CACNA2D2: variants seen among roughly 807,000 people sequenced by gnomAD.
The protein encoded by CACNA2D2 is calcium voltage-gated channel auxiliary subunit alpha2delta 2.
CACNA2D2 carries 48 observed loss-of-function variants against 166.4 expected under a neutral mutation model. The ratio of observed to expected loss-of-function variants is 0.29; its 90% CI spans 0.23 to 0.37. The LOEUF is 0.37. Among genes scored for constraint, CACNA2D2 ranks in the 10% least tolerant of loss-of-function variants. CACNA2D2 has a pLI of 1.00. For missense variants in CACNA2D2, 1,122 were observed against 1,433.0 expected (o/e 0.78, Z 3.50); for synonymous variants, 561 against 573.7 (o/e 0.98, Z 0.32).
At chr3:50,446,908 G>A (rs1041622660) in intron 2 of CACNA2D2, among the ~76,000 whole-genome samples, 31 of 152,210 alleles carry the variant, frequency 2.0e-4, no homozygotes, top group African/African-American at 6.8e-4. Context: ...AAGGTTGGAA[G>A]TCTAGGACCC....
At position 50,363,033 on chromosome 3, in the gene CACNA2D2, T is replaced by C. The variant is rs1704015588; in HGVS notation, c.*1633A>G. ...AGGGGCAGCCAGGTCGGGTGGGTAA[T>C]GAGAAGGATTAGACCCAGCTGGGGG... On this transcript the variant is annotated 3_prime_UTR_variant, in exon 38 of 38. Transcript: ENST00000424201. 2.5e-6 allele frequency: 1 copy of C among 397,036 alleles called. No homozygotes were observed. The allele number at this position is 397,036 out of a possible 1,614,324, so 24.6% of individuals were successfully genotyped here.
intron 3 of CACNA2D2, among the ~76,000 whole-genome samples, chr3:50,417,772 C>A (rs1339656582): frequency 6.6e-6 from 1 of 152,218 alleles, no homozygotes; most frequent in Non-Finnish European, 1.5e-5. Context: ...GCCCATTATG[C>A]ATTCTCACAT....
At chr3:50,484,512 A>G (rs1166123924) in intron 1 of CACNA2D2, among the ~76,000 whole-genome samples, 5 of 151,980 alleles carry the variant, frequency 3.3e-5, no homozygotes, top group Admixed American at 6.5e-5. Flanking sequence ...ACATGCCCCT[A>G]TAGTCCCTGC....
intron 1 of CACNA2D2, among the ~76,000 whole-genome samples, chr3:50,478,958 C>T (rs1466340540): frequency 6.6e-6 from 1 of 152,150 alleles, no homozygotes; most frequent in Non-Finnish European, 1.5e-5. Context: ...GTCTATAGGT[C>T]CCTGCTTCTA....
At chr3:50,431,876 T>C (rs1026549059) in intron 3 of CACNA2D2, among the ~76,000 whole-genome samples, 1 of 149,618 alleles carries the variant, frequency 6.7e-6, no homozygotes, top group African/African-American at 2.5e-5. Flanking sequence ...TCCCAGCTAC[T>C]TGGGAGGCTA....
Position 50,427,377 on chromosome 3 carries a change from G to A in CACNA2D2, c.405+6936C>T, listed in dbSNP as rs1559937014. On this transcript the variant is annotated intron_variant, in intron 3 of 37. Transcript: ENST00000424201. This position sits in a 1 kb window ranked among gnomAD's most constrained non-coding sequence, Gnocchi z 4.7. ...GACCCCCAGCTGGCTCCTGTGGGCG[G>A]CAACTTGCCAGGAAGCAGCGGCACT... Among the ~76,000 whole-genome samples the A allele has an allele frequency of 6.6e-6, 1 of 152,252 alleles. No homozygotes were observed. Among genetic ancestry groups the A allele is most frequent in the East Asian group, 1.9e-4 (1 of 5,188 alleles).
chr3:50,440,203 G>A (rs573602856), intron 2 of CACNA2D2, among the ~76,000 whole-genome samples: 85 of 152,224 alleles, frequency 5.6e-4, no homozygotes, highest in Non-Finnish European at 1.0e-3. Context: ...GAGACTGGGT[G>A]TGTGACTGGC....
chr3:50,472,243 G>A (rs927134526), intron 2 of CACNA2D2, among the ~76,000 whole-genome samples: 7 of 152,252 alleles, frequency 4.6e-5, no homozygotes, highest in African/African-American at 1.2e-4. Flanking sequence ...ATAACTAGCA[G>A]CATGTAGCTG....
chr3:50,364,544 G>A lies in CACNA2D2; in HGVS notation c.*122C>T, dbSNP rs991873066. 1.1e-5 allele frequency: 13 copies of A among 1,226,986 alleles called. No homozygotes were observed. Among genetic ancestry groups the A allele is most frequent in the Middle Eastern group, 5.7e-4 (2 of 3,496 alleles). The allele number at this position is 1,226,986 out of a possible 1,614,324, so 76.0% of individuals were successfully genotyped here. Reference sequence around the variant, plus strand: ...GCGCAGACCAGACTCTCAGGGCCTGGCCAGCTCAGGTCCTTCAGTGAGGGA... The same window carrying A: ...GCGCAGACCAGACTCTCAGGGCCTGACCAGCTCAGGTCCTTCAGTGAGGGA... On this transcript the variant is annotated 3_prime_UTR_variant, in exon 38 of 38. Transcript: ENST00000424201.
chr3:50,397,547 C>A (rs1466250291), intron 3 of CACNA2D2, among the ~76,000 whole-genome samples: 4 of 152,186 alleles, frequency 2.6e-5, no homozygotes, highest in Non-Finnish European at 5.9e-5. Flanking sequence ...CAAAGCTTGA[C>A]TTTCTTGGAG....
chr3:50,378,828 T>C, intron 13 of CACNA2D2, 87 bp downstream of exon 13: 2 of 1,498,698 alleles, frequency 1.3e-6, no homozygotes, highest in Non-Finnish European at 9.2e-7. Context: ...AACACACAGC[T>C]GGACATATGG....
chr3:50,431,150 T>C (rs957499233), intron 3 of CACNA2D2, among the ~76,000 whole-genome samples: 5 of 152,244 alleles, frequency 3.3e-5, no homozygotes, highest in African/African-American at 1.2e-4. Context: ...AGGAACAATG[T>C]AGTGGGGGGT....
At chr3:50,488,778 C>T (rs367862223) in intron 1 of CACNA2D2, among the ~76,000 whole-genome samples, 12 of 152,156 alleles carry the variant, frequency 7.9e-5, no homozygotes, top group African/African-American at 2.9e-4. Flanking sequence ...CTGCTCACTG[C>T]AAGCTCCGCC....
In CACNA2D2 at chr3:50,365,654, A is replaced by G. The variant is rs1300423210; in HGVS notation, c.2950T>C (p.Tyr984His). The change falls in exon 34 of 38, where the codon TAC becomes CAC. Residue 984 changes from tyrosine to histidine, a missense_variant. Coordinates refer to ENST00000424201, the MANE Select transcript of CACNA2D2 (RefSeq NM_006030.4). This position sits in a 1 kb window ranked among gnomAD's most constrained non-coding sequence, Gnocchi z 4.5. ...LFQQLLYGLI[Y>H]HSWFQADPAE... ...CTACCTGCTTGGAACCAGCTGTGGT[A>G]GATGAGGCCGTAGAGAAGCTGCTGG... The G allele has an allele frequency of 6.3e-7, 1 of 1,582,024 alleles. No homozygotes were observed. The highest frequency in any genetic ancestry group is 2.3e-5 in the East Asian group (1 of 43,782).
chr3:50,363,022 C>T lies in CACNA2D2; in HGVS notation c.*1644G>A, dbSNP rs760307536. 19 of 397,492 alleles carry T rather than the reference C, an allele frequency of 4.8e-5. No homozygotes were observed. The highest frequency in any genetic ancestry group is 8.8e-5 in the Admixed American group (2 of 22,692). The allele number at this position is 397,492 out of a possible 1,614,324, so 24.6% of individuals were successfully genotyped here. A position where few individuals can be genotyped will look rare whatever the true frequency, so the allele number is the denominator to read the frequency against. Reference sequence around the variant, plus strand: ...AGCCCAAGGTGAGGGGCAGCCAGGTCGGGTGGGTAATGAGAAGGATTAGAC... The same window carrying T: ...AGCCCAAGGTGAGGGGCAGCCAGGTTGGGTGGGTAATGAGAAGGATTAGAC... On this transcript the variant is annotated 3_prime_UTR_variant, in exon 38 of 38. Coordinates refer to ENST00000424201, the MANE Select transcript of CACNA2D2 (RefSeq NM_006030.4).
chr3:50,478,534 C>T (rs927049254), intron 1 of CACNA2D2, among the ~76,000 whole-genome samples: 1 of 152,204 alleles, frequency 6.6e-6, no homozygotes, highest in African/African-American at 2.4e-5. Flanking sequence ...TCATTATGTG[C>T]GAGGGCATCC....
At chr3:50,396,212 C>A (rs1045666805) in intron 3 of CACNA2D2, among the ~76,000 whole-genome samples, 1 of 152,068 alleles carries the variant, frequency 6.6e-6, no homozygotes, top group African/African-American at 2.4e-5. Context: ...GGCAGGCCAC[C>A]CACCCTGGCC....
At chr3:50,468,439 GT>G (rs1709923871) in intron 2 of CACNA2D2, among the ~76,000 whole-genome samples, 3 of 143,158 alleles carry the variant, frequency 2.1e-5, no homozygotes, top group Non-Finnish European at 4.6e-5. Flanking sequence ...GTGTGTGTGT[GT>G]GGCTTTAGGA....
intron 1 of CACNA2D2, among the ~76,000 whole-genome samples, chr3:50,502,268 A>T (rs1247155187): frequency 6.6e-6 from 1 of 152,152 alleles, no homozygotes; most frequent in Non-Finnish European, 1.5e-5. Flanking sequence ...GGCTCCTCAG[A>T]CCCGGAGACA....
Sources: gnomAD v4.1 joint callset for allele counts (sites outside exome capture counted in the v4.1 genomes callset) on GRCh38, gnomAD v4.1.1 for gene constraint, Gnocchi (gnomAD v3.1) non-coding constraint, MANE v1.5 for transcripts, NCBI Gene and HGNC (gene_info 2026-07-23, HGNC 2026-07-21) for gene names.